SLC17A1: variants seen among roughly 807,000 people sequenced by gnomAD.
SLC17A1 encodes the protein sodium-dependent phosphate transport protein 1.
A neutral mutation model predicts 53.5 loss-of-function variants in SLC17A1; 51 were observed. The observed-to-expected ratio is 0.95, with a 90% CI of 0.76 to 1.20. SLC17A1 has a LOEUF of 1.20. Ranked by LOEUF, SLC17A1 falls within the 50% of genes most tolerant of loss-of-function variation. The probability of loss-of-function intolerance (pLI) is 0.00; values close to 1 mark genes in which losing one functional copy is unlikely to be tolerated. For synonymous variants in SLC17A1, 179 were observed against 198.8 expected, an observed-to-expected ratio of 0.90 and a Z score of 0.84; for missense variants, 538 against 568.2, an observed-to-expected ratio of 0.95 and a Z score of 0.54.
chr6:25,751,002 T>C, the SLC17A1 span, among the ~76,000 whole-genome samples: 3 of 152,078 alleles, frequency 2.0e-5, no homozygotes, highest in Non-Finnish European at 4.4e-5. Context: ...TTATCACATA[T>C]GCGGAGATAG....
At chr6:25,778,010 C>T, downstream of SLC17A1, 1 of 1,606,080 alleles carries the variant, frequency 6.2e-7, no homozygotes, top group Non-Finnish European at 8.5e-7. Flanking sequence ...GATTTTTCAT[C>T]AGTCAGGTGA....
chr6:25,742,732 A>G, the SLC17A1 span, among the ~76,000 whole-genome samples: 42,202 of 152,052 alleles, frequency 0.28, 6,242 homozygotes, highest in African/African-American at 0.36. Context: ...TGAGCCCAGG[A>G]GTTCAAGGCT....
At chr6:25,727,190 A>G in the SLC17A1 span, 4 of 1,614,174 alleles carry the variant, frequency 2.5e-6, no homozygotes, top group Middle Eastern at 3.3e-4. Flanking sequence ...TTTCTTCCAG[A>G]GAGATTCAGA....
At chr6:25,767,018 C>T in the SLC17A1 span, among the ~76,000 whole-genome samples, 3 of 151,926 alleles carry the variant, frequency 2.0e-5, no homozygotes, top group Non-Finnish European at 4.4e-5. Flanking sequence ...AACAAATGCA[C>T]CATAAGATGT....
the SLC17A1 span, among the ~76,000 whole-genome samples, chr6:25,748,073 T>C: frequency 6.6e-6 from 1 of 152,240 alleles, no homozygotes; most frequent in East Asian, 1.9e-4. Flanking sequence ...AGAATAACAT[T>C]ATTCTTAATA....
intron 1 of SLC17A1, 51 bp from the exon 2 acceptor site, chr6:25,830,658 C>T (rs572687963): frequency 4.9e-6 from 6 of 1,232,536 alleles, no homozygotes; most frequent in African/African-American, 4.4e-5. Flanking sequence ...AGGCAACTGA[C>T]CAAACACTAC....
At chr6:25,743,330 G>A in the SLC17A1 span, among the ~76,000 whole-genome samples, 3 of 152,108 alleles carry the variant, frequency 2.0e-5, no homozygotes, top group African/African-American at 7.2e-5. Context: ...TTGGTAACAT[G>A]GTTACACAGA....
the SLC17A1 span, among the ~76,000 whole-genome samples, chr6:25,750,767 TTA>T: frequency 1.3e-5 from 2 of 151,546 alleles, no homozygotes; most frequent in East Asian, 3.9e-4. Flanking sequence ...TTATCAAGGG[TTA>T]TGTCACTTGT....
At chr6:25,748,122 T>A in the SLC17A1 span, among the ~76,000 whole-genome samples, 368 of 152,306 alleles carry the variant, frequency 2.4e-3, 1 homozygote, top group Middle Eastern at 0.01. Context: ...CCCAATGTCT[T>A]GTTTCATGAT....
chr6:25,796,353 T>C (rs190711165), intron 12 of SLC17A1, among the ~76,000 whole-genome samples: 36 of 152,244 alleles, frequency 2.4e-4, no homozygotes, highest in Non-Finnish European at 3.7e-4. Context: ...TCTTGGCAAA[T>C]TTTTGTGAGT....
At chr6:25,797,204 CTCTAATTTGCTTTATAGG>C (rs1763619772) in intron 12 of SLC17A1, among the ~76,000 whole-genome samples, 1 of 152,230 alleles carries the variant, frequency 6.6e-6, no homozygotes, top group Non-Finnish European at 1.5e-5. Flanking sequence ...CACACCATTT[CTCTAATTTGCTTTATAGG>C]AATGCCTATC....
the SLC17A1 span, chr6:25,773,394 G>C: frequency 6.2e-7 from 1 of 1,613,304 alleles, no homozygotes; most frequent in Non-Finnish European, 8.5e-7. Flanking sequence ...GGCTCAGCAG[G>C]TACATTGAGG....
intron 8 of SLC17A1, among the ~76,000 whole-genome samples, chr6:25,812,219 G>A (rs1455390954): frequency 6.6e-6 from 1 of 152,202 alleles, no homozygotes. Context: ...TGGTATGCCA[G>A]CCCCTAGGCT....
In SLC17A1 at chr6:25,813,138, C is replaced by G. The variant is rs1419038967; in HGVS notation, c.692G>C (p.Ser231Thr). The change falls in exon 7 of 13, where the codon AGC (serine) becomes ACC (threonine). Residue 231 changes from serine to threonine, a missense_variant. Ser to Thr is a moderately conservative substitution (Grantham distance 58). Transcript: ENST00000244527. ...TGTGATGTATTCCTTTTCACTGATG[C>G]TTATACATGGGTGGTCTTTGGGGTC... ...YDDPKDHPCI[S>T]ISEKEYITSS... is the part of the protein sequence containing the mutation. The G allele has an allele frequency of 6.2e-7, 1 of 1,614,126 alleles. No homozygotes were observed. Among genetic ancestry groups the G allele is most frequent in the South Asian group, 1.1e-5 (1 of 91,084 alleles).
chr6:25,802,173 A>G lies in SLC17A1; in HGVS notation c.1179-1193T>C, dbSNP rs77497375. 5.8e-3 allele frequency among the ~76,000 whole-genome samples: 888 copies of G among 152,288 alleles called. 9 individuals are homozygous for G. The highest frequency in any genetic ancestry group is 0.021 in the African/African-American group (857 of 41,566). ...ACTGCTCTGGCATAAAGGCAAATAC[A>G]TTAACATTATACATTAAATCATTTT... On this transcript the variant is annotated intron_variant, in intron 10 of 12. Transcript: ENST00000244527.
At chr6:25,801,238 A>G (rs1275882276) in intron 10 of SLC17A1, among the ~76,000 whole-genome samples, 1 of 152,244 alleles carries the variant, frequency 6.6e-6, no homozygotes, top group Non-Finnish European at 1.5e-5. Flanking sequence ...GAAACCCAGT[A>G]GAATTAGAAA....
chr6:25,816,039 C>G (rs1231109706), intron 6 of SLC17A1, among the ~76,000 whole-genome samples: 4 of 151,894 alleles, frequency 2.6e-5, no homozygotes, highest in African/African-American at 9.7e-5. Context: ...AGACCCCACT[C>G]TTGTTAATTG....
chr6:25,769,110 C>T, the SLC17A1 span: 1 of 1,614,084 alleles, frequency 6.2e-7, no homozygotes, highest in Admixed American at 1.7e-5. Context: ...CCCACCTAGC[C>T]AGCCCAATGC....
At chr6:25,781,215 G>A (rs1763261345), downstream of SLC17A1, 1 of 91,462 alleles carries the variant, frequency 1.1e-5, no homozygotes, top group Non-Finnish European at 2.3e-5. Context: ...GAAAGAGAGA[G>A]AGAGAGAGAG....
Sources: allele counts gnomAD v4.1 joint callset (sites outside exome capture counted in the v4.1 genomes callset), GRCh38; gene constraint gnomAD v4.1.1; transcripts MANE v1.5; gene names NCBI Gene and HGNC (gene_info 2026-07-23, HGNC 2026-07-21).